SLC30A9: variants seen among roughly 807,000 people sequenced by gnomAD.
The protein encoded by SLC30A9 is solute carrier family 30 member 9, also known as proton-coupled zinc antiporter SLC30A9, mitochondrial.
SLC30A9 carries 58 observed loss-of-function variants against 87.5 expected under a neutral mutation model. The observed-to-expected ratio is 0.66, with a 90% confidence interval of 0.54 to 0.82. SLC30A9 has a LOEUF of 0.82. Ranked by LOEUF, SLC30A9 falls within the 40% of genes least tolerant of loss-of-function variation. The pLI is 0.00. For missense variants in SLC30A9, 557 were observed against 679.1 expected, an observed-to-expected ratio of 0.82 and a Z score of 2.00; for synonymous variants, 234 against 233.0, an observed-to-expected ratio of 1.00 and a Z score of -0.04.
intron 12 of SLC30A9, 39 bp downstream of exon 12, chr4:42,065,388 A>C (rs1257723188): frequency 1.9e-6 from 2 of 1,037,568 alleles, no homozygotes; most frequent in East Asian, 4.7e-5. Context: ...TTCTTAATTT[A>C]GTAATATATA....
Position 42,061,620 on chromosome 4 carries a change from G to A in SLC30A9, c.897-1366G>A, listed in dbSNP as rs182418433. Among the ~76,000 whole-genome samples the A allele has an allele frequency of 2.8e-3, 433 of 152,320 alleles. 1 individual carries two copies. Among genetic ancestry groups the A allele is most frequent in the South Asian group, 6.2e-3 (30 of 4,830 alleles). On this transcript the variant is annotated intron_variant, in intron 10 of 17. Coordinates refer to ENST00000264451, the MANE Select transcript of SLC30A9 (RefSeq NM_006345.4). ...TGATTAAGAATTCTTGTTGAAAGCC[G>A]GGTGCAGTGGCTCATGCCTGTAATC...
rs1316458494 is a variant in SLC30A9 at position 42,087,595 on chromosome 4, C to T, written c.*1469C>T. 3.7e-4 allele frequency: 52 copies of T among 142,452 alleles called. No homozygotes were observed. The highest frequency in any genetic ancestry group is 7.3e-3 in the Middle Eastern group (2 of 274). The allele number at this position is 142,452 out of a possible 1,614,324, so 8.8% of individuals were successfully genotyped here. A position where few individuals can be genotyped will look rare whatever the true frequency, so the allele number is the denominator to read the frequency against. ...TGAGACTTTACGTTGGTGTATTTTT[C>T]TTTTTTTTTTTTTTACTATTACAGA... On this transcript the variant is annotated 3_prime_UTR_variant, in exon 18 of 18. Transcript: ENST00000264451.
chr4:42,020,851 G>A (rs1012612025), intron 4 of SLC30A9: 3 of 175,966 alleles, frequency 1.7e-5, no homozygotes, highest in Non-Finnish European at 3.6e-5. Flanking sequence ...TTGCGTATTT[G>A]TATGTTTGAC....
At chr4:42,016,220 C>T (rs1715713741) in intron 2 of SLC30A9, among the ~76,000 whole-genome samples, 1 of 152,056 alleles carries the variant, frequency 6.6e-6, no homozygotes, top group Non-Finnish European at 1.5e-5. Context: ...TATATATAGC[C>T]ATTCTTCATA....
In SLC30A9 at chr4:42,070,594, C is replaced by T. The variant is rs142771930; in HGVS notation, c.1321C>T (p.Leu441Phe). The change falls in exon 15 of 18, where the codon CTC (leucine) becomes TTC (phenylalanine). Residue 441 changes from leucine to phenylalanine, a missense_variant. Coordinates refer to ENST00000264451, the MANE Select transcript of SLC30A9 (RefSeq NM_006345.4). ...GTLLGMVSAF[L>F]IYTNTEALLG... ...CTTATTAGGCATGGTCTCAGCATTC[C>T]TCATCTACACTAACACAGAAGCACT... The T allele has an allele frequency of 1.9e-6, 3 of 1,613,194 alleles. No individual in the cohort carries two copies. In the African/African-American group the frequency reaches 4.0e-5, roughly 22 times the overall value.
rs758706849 is a variant in SLC30A9 at position 42,086,146 on chromosome 4, C to G, written c.*20C>G. On this transcript the variant is annotated 3_prime_UTR_variant, in exon 18 of 18. Coordinates refer to ENST00000264451, the MANE Select transcript of SLC30A9 (RefSeq NM_006345.4). ...CTGTGAGTTTGATGGAATGAATCACCTGGGTGGGGACCTTGGAAACAAGTT... is the reference window on the plus strand; with the variant it reads ...CTGTGAGTTTGATGGAATGAATCACGTGGGTGGGGACCTTGGAAACAAGTT... 1.4e-6 allele frequency: 2 copies of G among 1,468,506 alleles called. No individual in the cohort carries two copies. The highest frequency in any genetic ancestry group is 2.4e-5 in the East Asian group (1 of 40,864). The allele number at this position is 1,468,506 out of a possible 1,614,324, so 91.0% of individuals were successfully genotyped here. A position where few individuals can be genotyped will look rare whatever the true frequency, so the allele number is the denominator to read the frequency against.
chr4:41,997,336 A>G (rs879112029), intron 1 of SLC30A9, among the ~76,000 whole-genome samples: 1 of 152,076 alleles, frequency 6.6e-6, no homozygotes, highest in Non-Finnish European at 1.5e-5. Context: ...AACCAGAGAT[A>G]GTCAATCTGT....
Position 42,088,867 on chromosome 4 carries a change from C to G in SLC30A9, c.*2741C>G, listed in dbSNP as rs1719012559. 6.6e-6 allele frequency: 1 copy of G among 152,120 alleles called. No homozygotes were observed. The highest frequency in any genetic ancestry group is 2.1e-4 in the South Asian group (1 of 4,826). 9.4% of individuals were successfully genotyped at this position (152,120 alleles called of 1,614,324 possible). The stretch of plus-strand genomic sequence containing the variant: ...CCGAGGTGGGAGGATCACTTGAGCC[C>G]CAGAGGTCGAGGCTGCAATGAGCTA... On this transcript the variant is annotated 3_prime_UTR_variant, in exon 18 of 18. Coordinates refer to ENST00000264451, the MANE Select transcript of SLC30A9 (RefSeq NM_006345.4).
chr4:41,990,695 G>A lies in SLC30A9; in HGVS notation c.44G>A (p.Trp15Ter), dbSNP rs769918635. 1 of 1,612,236 alleles carries A rather than the reference G, an allele frequency of 6.2e-7. No homozygotes were observed. The highest frequency in any genetic ancestry group is 2.2e-5 in the East Asian group (1 of 44,856). Residue 15 changes from tryptophan to a stop codon, truncating the protein, a stop_gained, in exon 1 of 18, where the codon TGG (tryptophan) becomes TAG (stop). Coordinates refer to ENST00000264451, the MANE Select transcript of SLC30A9 (RefSeq NM_006345.4). LOFTEE classifies it high-confidence loss of function. The stretch of plus-strand genomic sequence containing the variant: ...GCCGCCGCGGCCCACAGATGTAGCT[G>A]GTCCTCCCTGTGCCGGCTCCGTCTG... Reference protein sequence around the residue: ...LAAAAAHRCSWSSLCRLRLRC... With the variant: ...LAAAAAHRCS
intron 10 of SLC30A9, among the ~76,000 whole-genome samples, chr4:42,061,794 G>T (rs552893406): frequency 4.4e-4 from 67 of 152,240 alleles, no homozygotes; most frequent in African/African-American, 1.6e-3. Flanking sequence ...CAGCTACTCG[G>T]GAAGCTGAGG....
At chr4:42,035,130 A>G in intron 6 of SLC30A9, 145 bp from the exon 7 acceptor site, 1 of 730,736 alleles carries the variant, frequency 1.4e-6, no homozygotes, top group Non-Finnish European at 2.1e-6. Context: ...TAATCAGTTT[A>G]CAAATCCAAA....
At chr4:42,000,314 A>C (rs1296792157) in intron 1 of SLC30A9, among the ~76,000 whole-genome samples, 1 of 152,110 alleles carries the variant, frequency 6.6e-6, no homozygotes, top group African/African-American at 2.4e-5. Flanking sequence ...CAGTCAGAAC[A>C]CCAGTGGCCA....
chr4:42,037,831 C>T (rs980224922), intron 7 of SLC30A9, among the ~76,000 whole-genome samples: 4 of 151,838 alleles, frequency 2.6e-5, no homozygotes, highest in Non-Finnish European at 5.9e-5. Flanking sequence ...CTGTGTTGCC[C>T]ACGATCTCAG....
intron 10 of SLC30A9, among the ~76,000 whole-genome samples, chr4:42,061,208 A>G (rs983779257): frequency 1.6e-4 from 24 of 152,320 alleles, no homozygotes; most frequent in African/African-American, 5.3e-4. Flanking sequence ...GAAATATTTT[A>G]TATCTGTCCA....
At position 42,066,616 on chromosome 4, in the gene SLC30A9, A is replaced by G; in HGVS notation, c.1139A>G (p.Lys380Arg). The G allele has an allele frequency of 1.2e-6, 2 of 1,605,068 alleles. No homozygotes were observed. Residue 380 changes from lysine (K) to arginine (R), a missense_variant, in exon 13 of 18, where the codon AAG (lysine) becomes AGG (arginine). By Grantham distance (26) the Lys-to-Arg change is conservative. Coordinates refer to ENST00000264451, the MANE Select transcript of SLC30A9 (RefSeq NM_006345.4). ...NARAKGMSFY[K>R]YVMESRDPST... ...CGGGCTAAAGGAATGTCATTTTACA[A>G]GTATGGTATGTATTTTAGAAACCAA...
intron 15 of SLC30A9, among the ~76,000 whole-genome samples, chr4:42,073,484 TGGCCCAA>T: frequency 6.6e-6 from 1 of 152,188 alleles, no homozygotes; most frequent in Admixed American, 6.5e-5. Flanking sequence ...TGTGACAAAT[TGGCCCAA>T]AACTTAGTGG....
chr4:42,075,594 A>G (rs1365410909), intron 15 of SLC30A9, 63 bp from the exon 16 acceptor site: 4 of 1,423,898 alleles, frequency 2.8e-6, no homozygotes, highest in East Asian at 2.4e-5. Flanking sequence ...CCTTTGTGCT[A>G]TTAAAGTATA....
At chr4:42,049,182 T>C (rs982350085) in intron 8 of SLC30A9, among the ~76,000 whole-genome samples, 195 bp from the exon 9 acceptor site, 2 of 152,074 alleles carry the variant, frequency 1.3e-5, no homozygotes, top group Non-Finnish European at 2.9e-5. Flanking sequence ...CCCAGACTGG[T>C]CTTGAACTCC....
At chr4:42,029,078 G>A (rs748998391) in intron 6 of SLC30A9, 4 of 233,340 alleles carry the variant, frequency 1.7e-5, no homozygotes, top group South Asian at 7.1e-5. Context: ...ACTCAGATCC[G>A]CAGTGGCAGT....
Sources: gnomAD v4.1 joint callset for allele counts (sites outside exome capture counted in the v4.1 genomes callset) on GRCh38, gnomAD v4.1.1 for gene constraint, MANE v1.5 for transcripts, NCBI Gene and HGNC (gene_info 2026-07-23, HGNC 2026-07-21) for gene names.